Variants in TNR observed in about 807,000 individuals in gnomAD.
The protein encoded by TNR is tenascin-R.
In TNR, 45 loss-of-function variants were observed where a neutral mutation model predicts 150.4. The observed-to-expected ratio is 0.30, with a 90% CI of 0.24 to 0.38. The LOEUF (loss-of-function observed/expected upper bound fraction) is 0.38. TNR is among the 10% of genes least tolerant of loss of function. The pLI is 1.00. For missense variants in TNR, 1,544 were observed against 1,759.1 expected (o/e 0.88, Z 2.19); for synonymous variants, 687 against 678.4 (o/e 1.01, Z -0.20).
At chr1:175,532,943 A>C (rs768654482) in intron 1 of TNR, among the ~76,000 whole-genome samples, 4 of 152,174 alleles carry the variant, frequency 2.6e-5, no homozygotes, top group Non-Finnish European at 5.9e-5. Context: ...TCATTTCTGC[A>C]AGATTCTATT....
intron 1 of TNR, among the ~76,000 whole-genome samples, chr1:175,578,974 T>C (rs1353753248): frequency 2.0e-5 from 3 of 152,204 alleles, no homozygotes; most frequent in African/African-American, 7.2e-5. Flanking sequence ...GGCCAGGAAC[T>C]CTTTGCCTTG....
chr1:175,712,664 G>T (rs570395660), intron 1 of TNR, among the ~76,000 whole-genome samples: 10 of 152,112 alleles, frequency 6.6e-5, no homozygotes, highest in African/African-American at 2.4e-4. Flanking sequence ...TTGGTGATAG[G>T]TGAGTTCTCA....
chr1:175,641,210 G>A (rs1171982634), intron 1 of TNR, among the ~76,000 whole-genome samples: 2 of 152,050 alleles, frequency 1.3e-5, no homozygotes, highest in Non-Finnish European at 2.9e-5. Context: ...TTTATACCCT[G>A]GGGTCATACA....
At chr1:175,595,321 A>C (rs1662966484) in intron 1 of TNR, among the ~76,000 whole-genome samples, 1 of 152,340 alleles carries the variant, frequency 6.6e-6, no homozygotes, top group East Asian at 1.9e-4. Flanking sequence ...TGTCCAGACC[A>C]ACTCCTTTCT....
intron 2 of TNR, among the ~76,000 whole-genome samples, chr1:175,510,414 G>A (rs1357967535): frequency 6.6e-6 from 1 of 151,466 alleles, no homozygotes; most frequent in Non-Finnish European, 1.5e-5. Context: ...GTGCACAAAA[G>A]TTATCTGTTA....
chr1:175,593,927 T>G (rs1662906402), intron 1 of TNR, among the ~76,000 whole-genome samples: 2 of 152,204 alleles, frequency 1.3e-5, no homozygotes, highest in African/African-American at 4.8e-5. Context: ...CTGAATTTCT[T>G]TTATTAGACT....
intron 1 of TNR, among the ~76,000 whole-genome samples, chr1:175,711,060 C>G (rs1666999577): frequency 6.6e-6 from 1 of 152,158 alleles, no homozygotes; most frequent in African/African-American, 2.4e-5. Flanking sequence ...AGAGGATGTG[C>G]CTCTGTATGG....
intron 20 of TNR, among the ~76,000 whole-genome samples, chr1:175,331,712 A>C (rs1408850306): frequency 6.6e-6 from 1 of 152,244 alleles, no homozygotes; most frequent in Non-Finnish European, 1.5e-5. Context: ...CTGCTTACTG[A>C]ACTAGAGTCC....
intron 1 of TNR, among the ~76,000 whole-genome samples, chr1:175,699,213 G>A (rs946317112): frequency 6.6e-6 from 1 of 152,104 alleles, no homozygotes; most frequent in Admixed American, 6.5e-5. Context: ...TGAGTAACTA[G>A]AATAATGGAG....
At chr1:175,727,162 T>C (rs1026251427) in intron 1 of TNR, among the ~76,000 whole-genome samples, 2 of 152,210 alleles carry the variant, frequency 1.3e-5, no homozygotes, top group African/African-American at 4.8e-5. Flanking sequence ...TAACAGTGCA[T>C]ATGGAGTCAA....
intron 18 of TNR, among the ~76,000 whole-genome samples, chr1:175,340,252 T>C (rs1249822956): frequency 6.6e-6 from 1 of 152,154 alleles, no homozygotes; most frequent in Non-Finnish European, 1.5e-5. Context: ...CAGATGTGCA[T>C]GAGGCAATGA....
intron 21 of TNR, among the ~76,000 whole-genome samples, chr1:175,327,454 C>A (rs1355616138): frequency 6.6e-6 from 1 of 152,200 alleles, no homozygotes; most frequent in Non-Finnish European, 1.5e-5. Flanking sequence ...TTCGCTCGGA[C>A]TTACTTTATC....
chr1:175,568,211 A>G (rs1040412044), intron 1 of TNR, among the ~76,000 whole-genome samples: 3 of 152,106 alleles, frequency 2.0e-5, no homozygotes, highest in African/African-American at 7.2e-5. Flanking sequence ...CTTTTCATAT[A>G]CTATCACCCT....
At chr1:175,714,577 G>GC (rs1445854154) in intron 1 of TNR, among the ~76,000 whole-genome samples, 3 of 152,116 alleles carry the variant, frequency 2.0e-5, no homozygotes, top group Non-Finnish European at 4.4e-5. Context: ...GCCCTGCCAG[G>GC]CCCAGCTAAT....
intron 1 of TNR, among the ~76,000 whole-genome samples, chr1:175,668,460 C>T (rs1234566360): frequency 6.6e-6 from 1 of 152,130 alleles, no homozygotes; most frequent in Non-Finnish European, 1.5e-5. Flanking sequence ...AGGGAGGGGG[C>T]TCTTCCTAAG....
intron 1 of TNR, among the ~76,000 whole-genome samples, chr1:175,702,597 T>C (rs35314939): frequency 0.065 from 9,868 of 152,254 alleles, 396 homozygotes; most frequent in East Asian, 0.17. Flanking sequence ...TGGAAATAGT[T>C]CTACCTCTAG....
chr1:175,669,250 A>T (rs558853332), intron 1 of TNR, among the ~76,000 whole-genome samples: 20 of 152,246 alleles, frequency 1.3e-4, no homozygotes, highest in African/African-American at 4.6e-4. Context: ...TCCAGCTGGA[A>T]CTCCCTTCTT....
chr1:175,524,125 A>G (rs892797998), intron 2 of TNR, among the ~76,000 whole-genome samples: 2 of 152,140 alleles, frequency 1.3e-5, no homozygotes, highest in African/African-American at 2.4e-5. Context: ...TCTATAGTGC[A>G]TAGCCTCACC....
intron 1 of TNR, among the ~76,000 whole-genome samples, chr1:175,560,528 T>C (rs1293406467): frequency 6.6e-6 from 1 of 152,212 alleles, no homozygotes; most frequent in East Asian, 1.9e-4. Flanking sequence ...AGCAATCTGG[T>C]GGAATATGGA....
Sources: gnomAD v4.1 joint callset for allele counts (sites outside exome capture counted in the v4.1 genomes callset) on GRCh38, gnomAD v4.1.1 for gene constraint, MANE v1.5 for transcripts, NCBI Gene and HGNC (gene_info 2026-07-23, HGNC 2026-07-21) for gene names.